PCDH9: variants seen among roughly 807,000 people sequenced by gnomAD.
PCDH9 encodes the protein protocadherin 9, also known as protocadherin-9.
In PCDH9, 24 loss-of-function variants were observed where a neutral mutation model predicts 70.6. The ratio of observed to expected loss-of-function variants is 0.34; its 90% confidence interval spans 0.25 to 0.48. The LOEUF (loss-of-function observed/expected upper bound fraction) is 0.48, where lower values mean the gene tolerates loss of function less well. Among genes scored for constraint, PCDH9 ranks in the 20% least tolerant of loss-of-function variants. The probability of loss-of-function intolerance (pLI) is 0.99; values close to 1 mark genes in which losing one functional copy is unlikely to be tolerated. For missense variants in PCDH9, 1,281 were observed against 1,503.6 expected (o/e 0.85, Z 2.45); for synonymous variants, 562 against 558.5 (o/e 1.01, Z -0.09).
At chr13:66,779,871 A>G (rs375779674) in intron 3 of PCDH9, among the ~76,000 whole-genome samples, 2 of 18,824 alleles carry the variant, frequency 1.1e-4, no homozygotes, top group South Asian at 4.3e-3. Context: ...ATATATACAT[A>G]TATGTGTGTG....
chr13:66,488,918 T>C (rs1958989917), intron 4 of PCDH9, among the ~76,000 whole-genome samples: 1 of 152,144 alleles, frequency 6.6e-6, no homozygotes. Context: ...AAAATGGTTT[T>C]ATTAATTAGT....
At chr13:66,668,203 G>A (rs932951281) in intron 3 of PCDH9, among the ~76,000 whole-genome samples, 2 of 152,086 alleles carry the variant, frequency 1.3e-5, no homozygotes, top group African/African-American at 2.4e-5. Flanking sequence ...CTTTGTTTAG[G>A]ACAGTTTGAA....
At chr13:66,778,359 T>C (rs1455077238) in intron 3 of PCDH9, among the ~76,000 whole-genome samples, 2 of 152,196 alleles carry the variant, frequency 1.3e-5, no homozygotes, top group Non-Finnish European at 2.9e-5. Context: ...TCATCTACAG[T>C]AACACTTACA....
intron 3 of PCDH9, among the ~76,000 whole-genome samples, chr13:66,734,900 AC>A (rs2079124958): frequency 6.6e-6 from 1 of 152,314 alleles, no homozygotes; most frequent in African/African-American, 2.4e-5. Context: ...GCTCAAAACT[AC>A]TACCGAACGC....
chr13:66,393,759 G>T (rs1016254071), intron 4 of PCDH9, among the ~76,000 whole-genome samples: 2 of 152,198 alleles, frequency 1.3e-5, no homozygotes, highest in African/African-American at 4.8e-5. Flanking sequence ...TGTTTCCAGA[G>T]GTGATGCTTG....
chr13:67,200,916 T>C (rs1003769909), intron 2 of PCDH9: 1 of 152,016 alleles, frequency 6.6e-6, no homozygotes, highest in Non-Finnish European at 1.5e-5. Context: ...CACTCATCAT[T>C]TTTTCAATAA....
chr13:66,895,416 T>C (rs960200586), intron 3 of PCDH9, among the ~76,000 whole-genome samples: 1 of 152,208 alleles, frequency 6.6e-6, no homozygotes, highest in African/African-American at 2.4e-5. Flanking sequence ...TACACCCTTC[T>C]CACATATATG....
intron 2 of PCDH9, among the ~76,000 whole-genome samples, chr13:67,154,390 C>A (rs2087743301): frequency 6.6e-6 from 1 of 151,736 alleles, no homozygotes; most frequent in African/African-American, 2.4e-5. Context: ...ATCGCCTGGG[C>A]AACATGGCAA....
intron 4 of PCDH9, among the ~76,000 whole-genome samples, chr13:66,449,500 G>A (rs540967685): frequency 1.3e-5 from 2 of 152,248 alleles, no homozygotes; most frequent in Admixed American, 1.3e-4. Context: ...CTAGGGGCTT[G>A]CCACCTGACT....
intron 3 of PCDH9, among the ~76,000 whole-genome samples, chr13:66,661,846 A>G (rs2078013433): frequency 6.6e-6 from 1 of 152,208 alleles, no homozygotes. Flanking sequence ...TTTATAATCA[A>G]AAAGTTCTGG....
intron 2 of PCDH9, among the ~76,000 whole-genome samples, chr13:66,944,314 A>G (rs2083053008): frequency 6.6e-6 from 1 of 152,176 alleles, no homozygotes; most frequent in Non-Finnish European, 1.5e-5. Context: ...TATTTAGCAT[A>G]AAGAGATAAA....
chr13:67,143,081 T>C (rs1339145736), intron 2 of PCDH9, among the ~76,000 whole-genome samples: 1 of 151,942 alleles, frequency 6.6e-6, no homozygotes, highest in South Asian at 2.1e-4. Context: ...ATAAATGTTA[T>C]GAGAGCAAAA....
intron 2 of PCDH9, among the ~76,000 whole-genome samples, chr13:66,907,642 T>C (rs972182835): frequency 3.9e-5 from 6 of 152,174 alleles, no homozygotes; most frequent in African/African-American, 1.4e-4. Flanking sequence ...CTTCTAGCCA[T>C]ATTAAGAGAA....
intron 4 of PCDH9, among the ~76,000 whole-genome samples, chr13:66,603,716 G>T (rs73194767): frequency 6.6e-6 from 1 of 151,838 alleles, no homozygotes. Context: ...CATGTATCTG[G>T]TGCCCCAAAT....
At position 66,753,765 on chromosome 13, in the gene PCDH9, A is replaced by T. The variant is rs76501466; in HGVS notation, c.3139-122354T>A. Among the ~76,000 whole-genome samples, 378 of 152,274 alleles carry T rather than the reference A, an allele frequency of 2.5e-3. 2 individuals carry two copies. Among genetic ancestry groups the T allele is most frequent in the African/African-American group, 8.3e-3 (343 of 41,544 alleles). ...ACTCAACACTGCTAAATCATTCTAA[A>T]GAAATGATACTATACTTCTTTAAGT... On this transcript the variant is annotated intron_variant, in intron 3 of 4. Transcript: ENST00000377865.
intron 2 of PCDH9, among the ~76,000 whole-genome samples, chr13:67,052,448 C>G (rs2085340600): frequency 6.6e-6 from 1 of 151,890 alleles, no homozygotes; most frequent in African/African-American, 2.4e-5. Flanking sequence ...ACCTTGTAAG[C>G]TTAGTTAAGG....
At chr13:66,406,331 A>C (rs937634217) in intron 4 of PCDH9, among the ~76,000 whole-genome samples, 5 of 152,158 alleles carry the variant, frequency 3.3e-5, no homozygotes, top group African/African-American at 1.2e-4. Flanking sequence ...AGATAACTAT[A>C]TGGACACCTT....
intron 4 of PCDH9, among the ~76,000 whole-genome samples, chr13:66,594,152 A>T (rs1404284460): frequency 1.3e-5 from 2 of 151,806 alleles, no homozygotes; most frequent in Admixed American, 1.3e-4. Flanking sequence ...GAATAATATG[A>T]CTAAGAAATG....
intron 2 of PCDH9, among the ~76,000 whole-genome samples, chr13:66,926,349 C>T (rs977636126): frequency 6.6e-6 from 1 of 151,932 alleles, no homozygotes; most frequent in Admixed American, 6.6e-5. Flanking sequence ...TTATTCACTA[C>T]CCAACCCACT....
Sources: gnomAD v4.1 joint callset for allele counts (sites outside exome capture counted in the v4.1 genomes callset) on GRCh38, gnomAD v4.1.1 for gene constraint, MANE v1.5 for transcripts, NCBI Gene and HGNC (gene_info 2026-07-23, HGNC 2026-07-21) for gene names.